KLHL26: variants seen among roughly 807,000 people sequenced by gnomAD.
KLHL26 encodes the protein kelch like family member 26.
In KLHL26, 4 loss-of-function variants were observed where a neutral mutation model predicts 7.1. That is an observed-to-expected ratio of 0.56 (90% confidence interval 0.28 to 1.28). The LOEUF (loss-of-function observed/expected upper bound fraction) is 1.28. Ranked by LOEUF, KLHL26 falls within the 50% of genes most tolerant of loss-of-function variation. The probability of loss-of-function intolerance (pLI) is 0.11; values close to 1 mark genes in which losing one functional copy is unlikely to be tolerated. For missense variants in KLHL26, 896 were observed against 924.6 expected (o/e 0.97, Z 0.40); for synonymous variants, 465 against 414.1 (o/e 1.12, Z -1.49).
Position 18,670,563 on chromosome 19 carries a change from C to T in KLHL26, c.*1318C>T, listed in dbSNP as rs1472038744. The stretch of plus-strand genomic sequence containing the variant: ...GATTGGTCACAGATTCCTCGTGTGT[C>T]CTCCGCGTGTCTGGGGGCTCCTCTC... On this transcript the variant is annotated 3_prime_UTR_variant, in exon 3 of 3. Transcript: ENST00000300976. 1 of 152,190 alleles carries T rather than the reference C, an allele frequency of 6.6e-6. No individual in the cohort carries two copies. Among genetic ancestry groups the T allele is most frequent in the African/African-American group, 2.4e-5 (1 of 41,436 alleles). The allele number at this position is 152,190 out of a possible 1,614,324, so 9.4% of individuals were successfully genotyped here.
Position 18,650,498 on chromosome 19 carries a change from G to A in KLHL26, c.83+13361G>A, listed in dbSNP as rs1242032196. Among the ~76,000 whole-genome samples, 3 of 152,298 alleles carry A rather than the reference G, an allele frequency of 2.0e-5. No homozygotes were observed. Among genetic ancestry groups the A allele is most frequent in the South Asian group, 4.1e-4 (2 of 4,824 alleles). ...GCACGCGTTCTCCTTGGTGAAGTCC[G>A]TCCTGTCCCAGGAGGGCTGCGCTAG... On this transcript the variant is annotated intron_variant, in intron 1 of 2. Coordinates refer to ENST00000300976, the MANE Select transcript of KLHL26 (RefSeq NM_018316.3). The surrounding 1 kb of genome is among the most constrained non-coding windows in gnomAD (Gnocchi z 4.2).
intron 1 of KLHL26, among the ~76,000 whole-genome samples, chr19:18,637,391 G>T (rs1203996505): frequency 1.3e-5 from 2 of 152,088 alleles, no homozygotes; most frequent in African/African-American, 2.4e-5. Flanking sequence ...AATCCTGGGG[G>T]TCTGAAGGGA....
At chr19:18,667,637 GC>G (rs1568463608) in intron 2 of KLHL26, 26 bp from the exon 3 acceptor site, 14 of 1,590,964 alleles carry the variant, frequency 8.8e-6, no homozygotes, top group Non-Finnish European at 1.2e-5. Context: ...GCCACTGCCA[GC>G]CACACGTTGT....
chr19:18,639,977 G>C (rs1976684852), intron 1 of KLHL26, among the ~76,000 whole-genome samples: 1 of 151,676 alleles, frequency 6.6e-6, no homozygotes, highest in Non-Finnish European at 1.5e-5. Flanking sequence ...GTTCATCTGT[G>C]TTGTTGTATC....
intron 1 of KLHL26, among the ~76,000 whole-genome samples, chr19:18,642,202 G>C (rs981489770): frequency 6.6e-6 from 1 of 152,058 alleles, no homozygotes. Flanking sequence ...CCTGGAGCAC[G>C]ACCCACCTCC....
Position 18,646,760 on chromosome 19 carries a change from A to C in KLHL26, c.83+9623A>C, listed in dbSNP as rs1976808874. Among the ~76,000 whole-genome samples the C allele has an allele frequency of 4.6e-5, 7 of 152,244 alleles. No individual in the cohort carries two copies. Among genetic ancestry groups the C allele is most frequent in the Admixed American group, 4.6e-4 (7 of 15,288 alleles). On this transcript the variant is annotated intron_variant, in intron 1 of 2. Coordinates refer to ENST00000300976, the MANE Select transcript of KLHL26 (RefSeq NM_018316.3). This position sits in a 1 kb window ranked among gnomAD's most constrained non-coding sequence, Gnocchi z 5.0. The stretch of plus-strand genomic sequence containing the variant: ...CCTTGAGGGGATCGTCAATGCCAGC[A>C]AGCCTTGATGTGGCGTGCGTGTGTC...
chr19:18,640,319 C>T (rs1284482264), intron 1 of KLHL26, among the ~76,000 whole-genome samples: 2 of 151,804 alleles, frequency 1.3e-5, no homozygotes, highest in Non-Finnish European at 2.9e-5. Context: ...ACTGTAGCCT[C>T]TACCTCCTTG....
rs1042155295 is a variant in KLHL26, at chr19:18,656,842, G to C, written c.84-7419G>C. 1.3e-5 allele frequency among the ~76,000 whole-genome samples: 2 copies of C among 152,074 alleles called. No individual in the cohort carries two copies. The highest frequency in any genetic ancestry group is 6.5e-5 in the Admixed American group (1 of 15,286). Reference sequence around the variant, plus strand: ...GGCGGGTTCCTGTTTGAAATGATTCGTGAAGATGTTGGAGAAAATCAGCAT... The same window carrying C: ...GGCGGGTTCCTGTTTGAAATGATTCCTGAAGATGTTGGAGAAAATCAGCAT... On this transcript the variant is annotated intron_variant, in intron 1 of 2. Coordinates refer to ENST00000300976, the MANE Select transcript of KLHL26 (RefSeq NM_018316.3). The surrounding 1 kb of genome is among the most constrained non-coding windows in gnomAD (Gnocchi z 4.4).
intron 1 of KLHL26, among the ~76,000 whole-genome samples, chr19:18,659,995 G>A (rs932642308): frequency 2.6e-5 from 4 of 152,240 alleles, no homozygotes; most frequent in African/African-American, 7.2e-5. Context: ...AAAGAACAGC[G>A]TGGGGAGGGA....
chr19:18,659,474 A>G (rs1163065889), intron 1 of KLHL26, among the ~76,000 whole-genome samples: 1 of 152,218 alleles, frequency 6.6e-6, no homozygotes, highest in Non-Finnish European at 1.5e-5. Context: ...TGGCTTTGAA[A>G]GTGGAAGTGC....
At chr19:18,663,454 G>T (rs544482860) in intron 1 of KLHL26, among the ~76,000 whole-genome samples, 1 of 152,326 alleles carries the variant, frequency 6.6e-6, no homozygotes, top group South Asian at 2.1e-4. Context: ...GCTGGCAGTG[G>T]GGCCAAGGAG....
In KLHL26 at chr19:18,656,747, C is replaced by T. The variant is rs536668108; in HGVS notation, c.84-7514C>T. 2.6e-5 allele frequency among the ~76,000 whole-genome samples: 4 copies of T among 151,486 alleles called. No individual in the cohort carries two copies. The highest frequency in any genetic ancestry group is 9.7e-5 in the African/African-American group (4 of 41,236). On this transcript the variant is annotated intron_variant, in intron 1 of 2. Coordinates refer to ENST00000300976, the MANE Select transcript of KLHL26 (RefSeq NM_018316.3). The surrounding 1 kb of genome is among the most constrained non-coding windows in gnomAD (Gnocchi z 4.4). ...TGAGGGTGGGTGGGTGGGGAGGCCG[C>T]GAGGTTAGGGTGGCTCTGACCCTGC...
chr19:18,667,709 C>G lies in KLHL26; in HGVS notation c.312C>G (p.Ile104Met). ...TGCGGGAGGCAAGCCAGGACGTCAT[C>G]GAGCTGAAGGGCGTGTCGGCCCGTG... ...GGMREASQDV[I>M]ELKGVSARGL... Residue 104 changes from isoleucine (I) to methionine (M), a missense_variant, in exon 3 of 3, where the codon ATC becomes ATG. Transcript: ENST00000300976. 1.2e-6 allele frequency: 2 copies of G among 1,613,040 alleles called. No individual in the cohort carries two copies. Among genetic ancestry groups the G allele is most frequent in the South Asian group, 2.2e-5 (2 of 91,050 alleles).
Position 18,667,907 on chromosome 19 carries a change from G to T in KLHL26, c.510G>T (p.Gln170His), listed in dbSNP as rs775191206. The T allele has an allele frequency of 1.9e-6, 3 of 1,612,172 alleles. No individual in the cohort carries two copies. In the African/African-American group the frequency reaches 4.0e-5, roughly 22 times the overall value. The change falls in exon 3 of 3, where the codon CAG becomes CAT. Residue 170 changes from glutamine to histidine, a missense_variant. Coordinates refer to ENST00000300976, the MANE Select transcript of KLHL26 (RefSeq NM_018316.3). ...TGGAGACCTGCCTCAACATCGGCCA[G>T]ATGGCCACCACCTTCAGCCTGGCCT... is the stretch of plus-strand genomic sequence containing the variant. ...MSVETCLNIG[Q>H]MATTFSLASL...
At chr19:18,643,704 C>T (rs1371098117) in intron 1 of KLHL26, among the ~76,000 whole-genome samples, 2 of 151,936 alleles carry the variant, frequency 1.3e-5, no homozygotes, top group African/African-American at 4.8e-5. Context: ...TCTCGAACTC[C>T]TGACCTCAGG....
At chr19:18,638,835 G>T (rs1347998428) in intron 1 of KLHL26, among the ~76,000 whole-genome samples, 1 of 152,002 alleles carries the variant, frequency 6.6e-6, no homozygotes, top group Admixed American at 6.6e-5. Context: ...TGAGTAGCTG[G>T]GACTACAGGT....
At chr19:18,652,237 C>G (rs1013151552) in intron 1 of KLHL26, among the ~76,000 whole-genome samples, 1 of 152,120 alleles carries the variant, frequency 6.6e-6, no homozygotes, top group Non-Finnish European at 1.5e-5. Context: ...ATCACATACA[C>G]TAGGACTCGG....
chr19:18,668,715 T>TG lies in KLHL26; in HGVS notation c.1322dup (p.Tyr442LeufsTer185). The TG allele has an allele frequency of 1.3e-6, 2 of 1,572,226 alleles. No individual in the cohort carries two copies. Among genetic ancestry groups the TG allele is most frequent in the South Asian group, 1.1e-5 (1 of 87,764 alleles). ...GCGGTACTGCCCCCGGCGCAATGAG[T>TG]GGGGCTACGCCTGCTCGCTGAAGCG... On this transcript the variant is annotated frameshift_variant, in exon 3 of 3. Transcript: ENST00000300976. LOFTEE classifies it low-confidence loss of function (END_TRUNC).
Position 18,669,089 on chromosome 19 carries a change from C to G in KLHL26, c.1692C>G (p.Val564=), listed in dbSNP as rs371753685. The change falls in exon 3 of 3, where the codon GTC becomes GTG. Residue 564 remains valine (V), a synonymous_variant. Transcript: ENST00000300976. ...CCLLERKIYI[V]GGYNWRLNNV... ...TGCTGGAGAGGAAGATCTACATCGTCGGGGGCTACAACTGGCGTCTCAACA... is the reference window on the plus strand; with the variant it reads ...TGCTGGAGAGGAAGATCTACATCGTGGGGGGCTACAACTGGCGTCTCAACA... 4.7e-5 allele frequency: 76 copies of G among 1,612,908 alleles called. No individual in the cohort carries two copies. In the East Asian group the frequency reaches 1.7e-3, roughly 35 times the overall value.
Sources: gnomAD v4.1 joint callset for allele counts (sites outside exome capture counted in the v4.1 genomes callset) on GRCh38, gnomAD v4.1.1 for gene constraint, Gnocchi (gnomAD v3.1) non-coding constraint, MANE v1.5 for transcripts, NCBI Gene and HGNC (gene_info 2026-07-23, HGNC 2026-07-21) for gene names.